The following CAST variants were observed in gnomAD, a reference collection of about 807,000 sequenced individuals.
CAST encodes calpastatin, also known as MIR583 host.
In CAST, 76 loss-of-function variants were observed where a neutral mutation model predicts 119.6. That is an observed-to-expected ratio of 0.64 (90% CI 0.53 to 0.77). The LOEUF (loss-of-function observed/expected upper bound fraction) is 0.77. CAST is among the 30% of genes least tolerant of loss of function. The probability of loss-of-function intolerance (pLI) is 0.00; values close to 1 mark genes in which losing one functional copy is unlikely to be tolerated. For synonymous variants in CAST, 319 were observed against 331.6 expected, an observed-to-expected ratio of 0.96 and a Z score of 0.41; for missense variants, 953 against 946.5, an observed-to-expected ratio of 1.01 and a Z score of -0.09.
the CAST span, among the ~76,000 whole-genome samples, chr5:96,039,931 G>A: frequency 8.5e-5 from 13 of 152,234 alleles, no homozygotes; most frequent in Admixed American, 7.9e-4. Context: ...TAGCTTGATG[G>A]GGATAGCATG....
At chr5:96,244,684 C>T in the CAST span, among the ~76,000 whole-genome samples, 2 of 152,274 alleles carry the variant, frequency 1.3e-5, no homozygotes, top group Non-Finnish European at 2.9e-5. Flanking sequence ...AATTCCAGCC[C>T]AGTTCTGCTC....
At chr5:96,744,371 C>G (rs1338120009) in intron 16 of CAST, among the ~76,000 whole-genome samples, 1 of 152,188 alleles carries the variant, frequency 6.6e-6, no homozygotes, top group African/African-American at 2.4e-5. Flanking sequence ...AAAGTCACGT[C>G]TTACATGGAG....
chr5:96,756,490 T>G (rs960022499), intron 22 of CAST, among the ~76,000 whole-genome samples: 2 of 152,362 alleles, frequency 1.3e-5, no homozygotes, highest in East Asian at 3.9e-4. Context: ...TTCTGGATTT[T>G]GGAATATTTG....
chr5:96,405,575 G>A, the CAST span, among the ~76,000 whole-genome samples: 1 of 152,144 alleles, frequency 6.6e-6, no homozygotes, highest in Non-Finnish European at 1.5e-5. Context: ...GGAGGCTGAG[G>A]CATAAGAATT....
the CAST span, among the ~76,000 whole-genome samples, chr5:96,376,090 C>A: frequency 6.6e-6 from 1 of 150,500 alleles, no homozygotes; most frequent in Non-Finnish European, 1.5e-5. Context: ...TTTTCTCAGA[C>A]CTCTCAGGGT....
At chr5:96,236,709 A>C in the CAST span, among the ~76,000 whole-genome samples, 1 of 152,208 alleles carries the variant, frequency 6.6e-6, no homozygotes, top group African/African-American at 2.4e-5. Flanking sequence ...TGTTTCAGAC[A>C]TACTTATACT....
intron 1 of CAST, among the ~76,000 whole-genome samples, chr5:96,543,177 T>C (rs1044779077): frequency 1.3e-5 from 2 of 152,166 alleles, no homozygotes; most frequent in African/African-American, 4.8e-5. Flanking sequence ...ATGTGGCACA[T>C]ATACACCATG....
the CAST span, among the ~76,000 whole-genome samples, chr5:96,435,185 T>C: frequency 2.0e-5 from 3 of 152,192 alleles, no homozygotes; most frequent in African/African-American, 7.2e-5. Flanking sequence ...GAGGAACATA[T>C]TTGTCCCTTT....
At chr5:96,300,731 G>A in the CAST span, among the ~76,000 whole-genome samples, 1 of 151,358 alleles carries the variant, frequency 6.6e-6, no homozygotes, top group African/African-American at 2.4e-5. Flanking sequence ...CCATGAACGT[G>A]GGATATCTTT....
chr5:96,199,319 G>A, the CAST span, among the ~76,000 whole-genome samples: 1 of 152,058 alleles, frequency 6.6e-6, no homozygotes, highest in Non-Finnish European at 1.5e-5. Flanking sequence ...AAAGAACAAA[G>A]GAAAGGACTG....
At chr5:96,021,724 G>T in the CAST span, among the ~76,000 whole-genome samples, 1 of 152,148 alleles carries the variant, frequency 6.6e-6, no homozygotes, top group Non-Finnish European at 1.5e-5. Context: ...GGGATTACAG[G>T]TGTGAGCCAC....
At chr5:96,125,201 T>A in the CAST span, among the ~76,000 whole-genome samples, 2 of 152,152 alleles carry the variant, frequency 1.3e-5, no homozygotes, top group African/African-American at 4.8e-5. Flanking sequence ...TGGGATGTAT[T>A]CCTTAAGTTG....
rs147846855 is a variant in CAST, at chr5:96,639,272, G to C, written c.61-36267G>C. ...GCCACATGATCCTAGGAAGAGGGCA[G>C]AGGCAGGCAGAGGTATTTGGAGAGT... is the stretch of plus-strand genomic sequence containing the variant. On this transcript the variant is annotated intron_variant, in intron 1 of 11. Coordinates refer to the CAST transcript ENST00000505143. Among the ~76,000 whole-genome samples the C allele has an allele frequency of 3.3e-3, 499 of 152,330 alleles. 2 individuals carry two copies. Among genetic ancestry groups the C allele is most frequent in the Non-Finnish European group, 4.5e-3 (304 of 68,032 alleles).
chr5:96,381,397 G>A, the CAST span, among the ~76,000 whole-genome samples: 1 of 152,108 alleles, frequency 6.6e-6, no homozygotes, highest in Non-Finnish European at 1.5e-5. Flanking sequence ...TTGAGTGTGA[G>A]TGGTGTATGA....
chr5:96,252,526 G>A, the CAST span, among the ~76,000 whole-genome samples: 2 of 152,044 alleles, frequency 1.3e-5, no homozygotes, highest in African/African-American at 2.4e-5. Flanking sequence ...AAAATCTCAA[G>A]GGAGTTAGAG....
At chr5:96,559,889 A>G (rs901444849) in intron 1 of CAST, among the ~76,000 whole-genome samples, 4 of 152,196 alleles carry the variant, frequency 2.6e-5, no homozygotes, top group Admixed American at 2.0e-4. Context: ...AAGAGCCCAC[A>G]TTGCCAAGTC....
chr5:96,412,424 C>T, the CAST span: 2 of 1,613,912 alleles, frequency 1.2e-6, no homozygotes, highest in Non-Finnish European at 1.7e-6. Context: ...ATCCACGTGT[C>T]CAGGATTGAA....
At chr5:96,297,282 C>A in the CAST span, among the ~76,000 whole-genome samples, 1 of 152,156 alleles carries the variant, frequency 6.6e-6, no homozygotes, top group African/African-American at 2.4e-5. Flanking sequence ...ATTCAAGGAA[C>A]AACAACTGCT....
At chr5:96,333,254 G>C in the CAST span, among the ~76,000 whole-genome samples, 1 of 152,014 alleles carries the variant, frequency 6.6e-6, no homozygotes. Flanking sequence ...GACCTGTACA[G>C]TGTGTTCCTG....
Sources: gnomAD v4.1 joint callset for allele counts (sites outside exome capture counted in the v4.1 genomes callset) on GRCh38, gnomAD v4.1.1 for gene constraint, MANE v1.5 for transcripts, NCBI Gene and HGNC (gene_info 2026-07-23, HGNC 2026-07-21) for gene names.